Variants in MUC22 observed in about 807,000 individuals in gnomAD.
The protein encoded by MUC22 is mucin 22, also known as mucin-22.
In MUC22, 24 loss-of-function variants were observed where a neutral mutation model predicts 40.3. The observed-to-expected ratio is 0.60, with a 90% CI of 0.43 to 0.84. MUC22 has a LOEUF of 0.84. Ranked by LOEUF, MUC22 falls within the 40% of genes least tolerant of loss-of-function variation. The probability of loss-of-function intolerance (pLI) is 0.00; values close to 1 mark genes in which losing one functional copy is unlikely to be tolerated. For synonymous variants in MUC22, 765 were observed against 844.5 expected (o/e 0.91, Z 1.63); for missense variants, 1,926 against 2,130.7 (o/e 0.90, Z 1.89).
chr6:31,027,116 G>A, exon 2 of MUC22: 1 of 1,492,888 alleles, frequency 6.7e-7, no homozygotes, highest in Non-Finnish European at 8.9e-7. Flanking sequence ...TCTACCATAG[G>A]CCCTGAGACC....
chr6:31,014,372 G>A (rs1027809223), intron 1 of MUC22, among the ~76,000 whole-genome samples: 14 of 117,774 alleles, frequency 1.2e-4, no homozygotes, highest in Non-Finnish European at 1.9e-4. Flanking sequence ...GGAAGCCTCT[G>A]TCCAACCAGA....
Position 31,026,599 on chromosome 6 carries a change from T to C in MUC22, c.1168T>C (p.Ser390Pro). The change falls in exon 2 of 4, where the codon TCT becomes CCT. Residue 390 changes from serine (S) to proline (P), a missense_variant. Physicochemically the swap from Ser to Pro is moderately conservative, Grantham distance 74. Transcript: ENST00000561890. ...TACAAGCTCTGAGACCACCGTCACCTCTACTGCAGGCTCTGAGACCACCAC... is the reference window on the plus strand; with the variant it reads ...TACAAGCTCTGAGACCACCGTCACCCCTACTGCAGGCTCTGAGACCACCAC... The C allele has an allele frequency of 1.3e-6, 2 of 1,506,030 alleles. 1 individual carries two copies. The highest frequency in any genetic ancestry group is 1.8e-6 in the Non-Finnish European group (2 of 1,128,184). 93.3% of individuals were successfully genotyped at this position (1,506,030 alleles called of 1,614,324 possible).
exon 2 of MUC22, chr6:31,027,944 CCTCCACTGCAGG>C (rs2060963169): frequency 6.5e-7 from 1 of 1,534,060 alleles, no homozygotes; most frequent in African/African-American, 1.4e-5. Context: ...ACCACTGCAG[CCTCCACTGCAGG>C]CTCTGAGACC....
chr6:31,019,103 C>T (rs1383129924), intron 1 of MUC22, among the ~76,000 whole-genome samples: 1 of 152,226 alleles, frequency 6.6e-6, no homozygotes, highest in Non-Finnish European at 1.5e-5. Flanking sequence ...TCCTGGATAT[C>T]TAATGGGCAC....
intron 1 of MUC22, among the ~76,000 whole-genome samples, chr6:31,022,183 A>C (rs1423785037): frequency 1.3e-5 from 2 of 152,172 alleles, no homozygotes; most frequent in Non-Finnish European, 2.9e-5. Flanking sequence ...TGTAACACTC[A>C]CTGTGAGGGT....
upstream of MUC22, among the ~76,000 whole-genome samples, chr6:31,006,586 G>A (rs780522557): frequency 6.6e-6 from 1 of 152,138 alleles, no homozygotes; most frequent in South Asian, 2.1e-4. Context: ...TGCTTGCGTA[G>A]GGGCAGGGAG....
chr6:31,024,212 G>A (rs1048045088), intron 1 of MUC22, among the ~76,000 whole-genome samples: 3 of 152,122 alleles, frequency 2.0e-5, no homozygotes, highest in Admixed American at 6.5e-5. Flanking sequence ...ACAGAACAAC[G>A]AAAAACAACA....
chr6:31,029,126 G>A (rs1298190909), exon 2 of MUC22: 6 of 1,533,368 alleles, frequency 3.9e-6, no homozygotes, highest in African/African-American at 1.4e-5. Flanking sequence ...TCTACTGCAG[G>A]CTCAGAGACC....
chr6:31,023,881 C>T (rs567215524), intron 1 of MUC22, among the ~76,000 whole-genome samples: 3 of 152,196 alleles, frequency 2.0e-5, no homozygotes, highest in Non-Finnish European at 4.4e-5. Context: ...ATAATCACAA[C>T]ACAATATTTA....
chr6:31,015,158 C>T (rs1398606178), intron 1 of MUC22, among the ~76,000 whole-genome samples: 2 of 152,032 alleles, frequency 1.3e-5, no homozygotes, highest in Non-Finnish European at 2.9e-5. Context: ...AATATTGTTT[C>T]CTGGAGTATA....
chr6:31,028,140 T>G, exon 2 of MUC22: 1 of 1,533,706 alleles, frequency 6.5e-7, no homozygotes, highest in Non-Finnish European at 8.7e-7. Flanking sequence ...CCACAGACTC[T>G]GAGACCACCA....
At position 31,030,110 on chromosome 6, in the gene MUC22, C is replaced by T; in HGVS notation, c.4669+10C>T. ...AACACACCTATGTCAGGTACTAACC[C>T]CCATGTCTTCTTTGAGCCCACACAT... is the stretch of plus-strand genomic sequence containing the variant. On this transcript the variant is annotated intron_variant, in intron 2 of 3. Transcript: ENST00000561890. The T allele has an allele frequency of 6.7e-7, 1 of 1,500,582 alleles. No individual in the cohort carries two copies. The highest frequency in any genetic ancestry group is 8.9e-7 in the Non-Finnish European group (1 of 1,129,224). The allele number at this position is 1,500,582 out of a possible 1,614,324, so 93.0% of individuals were successfully genotyped here.
rs575011940 is a variant in MUC22 at position 31,021,919 on chromosome 6, T to C, written c.71-3583T>C. 2.0e-5 allele frequency among the ~76,000 whole-genome samples: 3 copies of C among 152,136 alleles called. No individual in the cohort carries two copies. The South Asian group carries it at 6.2e-4, about 32-fold the overall frequency. On this transcript the variant is annotated intron_variant, in intron 1 of 3. Transcript: ENST00000561890. The stretch of plus-strand genomic sequence containing the variant: ...ATTTTGCTACTGCTCACTTTTTGGG[T>C]CTACACTGTTTTTATGATCTGTAAC...
At chr6:31,027,660 G>C in exon 2 of MUC22, 1 of 1,499,974 alleles carries the variant, frequency 6.7e-7, no homozygotes, top group Non-Finnish European at 8.8e-7. Context: ...ATACAGGCTT[G>C]GAGACCACCA....
At chr6:31,027,096 C>A in exon 2 of MUC22, 1 of 1,495,098 alleles carries the variant, frequency 6.7e-7, no homozygotes, top group East Asian at 2.5e-5. Flanking sequence ...GCTCTGAGAC[C>A]ACTATGGCCT....
rs916746225 is a variant in MUC22, at chr6:31,027,673, G to T, written c.2242G>T (p.Val748Phe). Residue 748 changes from valine to phenylalanine, a missense_variant, in exon 2 of 4, where the codon GTC becomes TTC. By Grantham distance (50) the Val-to-Phe change is conservative. Transcript: ENST00000561890. ...TAATACAGGCTTGGAGACCACCACA[G>T]TCTTTACCATAGGCTCTGACACCAC... The T allele has an allele frequency of 1.7e-4, 257 of 1,531,494 alleles. 2 individuals are homozygous for T. Among genetic ancestry groups the T allele is most frequent in the Non-Finnish European group, 2.2e-4 (251 of 1,144,962 alleles). 94.9% of individuals were successfully genotyped at this position (1,531,494 alleles called of 1,614,324 possible). A position where few individuals can be genotyped will look rare whatever the true frequency, so the allele number is the denominator to read the frequency against.
At chr6:31,021,797 T>A (rs1015568956) in intron 1 of MUC22, among the ~76,000 whole-genome samples, 2 of 152,124 alleles carry the variant, frequency 1.3e-5, no homozygotes, top group Non-Finnish European at 2.9e-5. Flanking sequence ...TGGGGCCAGA[T>A]AAGAGAATAA....
At chr6:31,017,245 T>G (rs1764289834) in intron 1 of MUC22, among the ~76,000 whole-genome samples, 1 of 152,238 alleles carries the variant, frequency 6.6e-6, no homozygotes, top group African/African-American at 2.4e-5. Flanking sequence ...ATCCACTAGG[T>G]GAGGCCAGCT....
exon 2 of MUC22, chr6:31,025,509 G>A (rs972690420): frequency 2.0e-6 from 3 of 1,497,036 alleles, no homozygotes; most frequent in African/African-American, 2.8e-5. Flanking sequence ...CAGGCTCTGA[G>A]AATACCACAG....
Sources: gnomAD v4.1 joint callset for allele counts (sites outside exome capture counted in the v4.1 genomes callset) on GRCh38, gnomAD v4.1.1 for gene constraint, MANE v1.5 for transcripts, NCBI Gene and HGNC (gene_info 2026-07-23, HGNC 2026-07-21) for gene names.